Variants in AKAP13 observed in about 807,000 individuals in gnomAD.
AKAP13 encodes the protein A-kinase anchoring protein 13.
AKAP13 carries 80 observed loss-of-function variants against 264.5 expected under a neutral mutation model. The ratio of observed to expected loss-of-function variants is 0.30; its 90% CI spans 0.25 to 0.36. The LOEUF (loss-of-function observed/expected upper bound fraction) is 0.36, where lower values mean the gene tolerates loss of function less well. Ranked by LOEUF, AKAP13 falls within the 10% of genes least tolerant of loss-of-function variation. The probability of loss-of-function intolerance (pLI) is 1.00; values close to 1 mark genes in which losing one functional copy is unlikely to be tolerated. For synonymous variants in AKAP13, 1,380 were observed against 1,250.2 expected (o/e 1.10, Z -2.19); for missense variants, 3,712 against 3,435.2 (o/e 1.08, Z -2.01).
chr15:85,731,323 A>G (rs187106250), intron 30 of AKAP13, among the ~76,000 whole-genome samples: 2 of 152,196 alleles, frequency 1.3e-5, no homozygotes, highest in East Asian at 1.9e-4. Context: ...ACTTACTTAT[A>G]TATCTTTATG....
Position 85,712,952 on chromosome 15 carries a change from A to C in AKAP13, c.5599+2307A>C, listed in dbSNP as rs146782544. On this transcript the variant is annotated intron_variant, in intron 19 of 36. Coordinates refer to ENST00000394518, the MANE Select transcript of AKAP13 (RefSeq NM_007200.5). ...GGATTCAAGTCTGACACCACTGCTT[A>C]AGAGCTGTGTAACTGGACATTACCA... Among the ~76,000 whole-genome samples the C allele has an allele frequency of 2.2e-4, 34 of 152,354 alleles. 1 individual carries two copies. The East Asian group carries it at 6.4e-3, about 28-fold the overall frequency.
At position 85,726,309 on chromosome 15, in the gene AKAP13, T is replaced by A. The variant is rs867367350; in HGVS notation, c.6746-101T>A. On this transcript the variant is annotated intron_variant, in intron 26 of 36. Transcript: ENST00000394518. ...ATCATAGTTTGCCCGTATAGGGGTGTATGTGTTGCTGAAACACCCTTCAAT... is the reference window on the plus strand; with the variant it reads ...ATCATAGTTTGCCCGTATAGGGGTGAATGTGTTGCTGAAACACCCTTCAAT... 1.5e-4 allele frequency: 123 copies of A among 845,890 alleles called. No homozygotes were observed. In the African/African-American group the frequency reaches 1.9e-3, roughly 13 times the overall value. The allele number at this position is 845,890 out of a possible 1,614,324, so 52.4% of individuals were successfully genotyped here. A position where few individuals can be genotyped will look rare whatever the true frequency, so the allele number is the denominator to read the frequency against.
chr15:85,742,006 C>T (rs1170178431), intron 35 of AKAP13, among the ~76,000 whole-genome samples: 1 of 152,194 alleles, frequency 6.6e-6, no homozygotes, highest in African/African-American at 2.4e-5. Context: ...GATCTCGCCA[C>T]TGCACTCCAG....
rs1451217146 is a variant in AKAP13, at chr15:85,580,712, G to A, written c.2644G>A (p.Glu882Lys). ...GGGTCCCGCCCCTCCAGCAATCCCA[G>A]AAGCTCTGAATATCAAGGGGAACAC... Reference protein sequence around the residue: ...HEGPAPPAIPEALNIKGNTDS... With the variant: ...HEGPAPPAIPKALNIKGNTDS... Residue 882 changes from glutamate to lysine, a missense_variant, in exon 7 of 37, where the codon GAA becomes AAA. This residue lies in a region of AKAP13 where 2,759 missense variants were observed against 2,411.7 expected (regional missense o/e 1.14). Coordinates refer to ENST00000394518, the MANE Select transcript of AKAP13 (RefSeq NM_007200.5). 3 of 1,614,194 alleles carry A rather than the reference G, an allele frequency of 1.9e-6. No individual in the cohort carries two copies. The Admixed American group carries it at 5.0e-5, about 27-fold the overall frequency.
chr15:85,682,170 T>C lies in AKAP13; in HGVS notation c.5114T>C (p.Phe1705Ser). 1 of 1,613,556 alleles carries C rather than the reference T, an allele frequency of 6.2e-7. No individual in the cohort carries two copies. The highest frequency in any genetic ancestry group is 8.5e-7 in the Non-Finnish European group (1 of 1,179,926). Reference sequence around the variant, plus strand: ...CCTTGTTTTCTAGATTCACGGCCCTTCCACAGTACCTTCCACAATACCAGT... The same window carrying C: ...CCTTGTTTTCTAGATTCACGGCCCTCCCACAGTACCTTCCACAATACCAGT... ...SHPGLDNSRP[F>S]HSTFHNTSAN... is the part of the protein sequence containing the mutation. The change falls in exon 15 of 37, where the codon TTC (phenylalanine) becomes TCC (serine). Residue 1705 changes from phenylalanine to serine, a missense_variant. Transcript: ENST00000394518.
intron 12 of AKAP13, 59 bp from the exon 13 acceptor site, chr15:85,664,504 C>A: frequency 2.7e-6 from 4 of 1,503,670 alleles, no homozygotes; most frequent in Non-Finnish European, 3.6e-6. Flanking sequence ...GATTTTGTGT[C>A]CTCCTTTGTT....
At chr15:85,499,157 G>C (rs2151088013) in intron 2 of AKAP13, among the ~76,000 whole-genome samples, 1 of 152,280 alleles carries the variant, frequency 6.6e-6, no homozygotes, top group South Asian at 2.1e-4. Flanking sequence ...CTAGCTTCCT[G>C]AGTAAATTAT....
Position 85,682,232 on chromosome 15 carries a change from C to A in AKAP13, c.5156+20C>A. ...TGAGAGGTACTATAAATTTGTTACT[C>A]CTTTTTCCAGAAATAAAATGAAGAA... On this transcript the variant is annotated intron_variant, in intron 15 of 36. Transcript: ENST00000394518. The A allele has an allele frequency of 6.2e-7, 1 of 1,608,760 alleles. No individual in the cohort carries two copies. Among genetic ancestry groups the A allele is most frequent in the Non-Finnish European group, 8.5e-7 (1 of 1,177,184 alleles).
At chr15:85,420,108 A>G (rs1392093370) in intron 1 of AKAP13, among the ~76,000 whole-genome samples, 1 of 151,322 alleles carries the variant, frequency 6.6e-6, no homozygotes, top group Non-Finnish European at 1.5e-5. Context: ...CGCCCGGCTA[A>G]TTTTTTGTAT....
rs369241881 is a variant in AKAP13 at position 85,543,934 on chromosome 15, A to G, written c.641A>G (p.Lys214Arg). 1.9e-6 allele frequency: 3 copies of G among 1,613,004 alleles called. No homozygotes were observed. The African/African-American group carries it at 4.0e-5, about 22-fold the overall frequency. Residue 214 changes from lysine to arginine, a missense_variant, in exon 5 of 37, where the codon AAG becomes AGG. Physicochemically the swap from Lys to Arg is conservative, Grantham distance 26 (BLOSUM62 2). This residue lies in a region of AKAP13 where 2,759 missense variants were observed against 2,411.7 expected (regional missense o/e 1.14). Transcript: ENST00000394518. ...TTGGCCTTGGAGCGAGGCTATCACA[A>G]GCTGCACCAGCTTCTAACCGAGTAA... is the stretch of plus-strand genomic sequence containing the variant. ...VSLALERGYH[K>R]LHQLLTEENA...
chr15:85,595,347 C>T (rs1369913002), intron 8 of AKAP13, among the ~76,000 whole-genome samples: 2 of 152,140 alleles, frequency 1.3e-5, no homozygotes, highest in African/African-American at 4.8e-5. Context: ...GACCCTCCCA[C>T]CTCAGCCTCC....
chr15:85,741,268 G>T lies in AKAP13; in HGVS notation c.7831G>T (p.Glu2611Ter). 6.2e-7 allele frequency: 1 copy of T among 1,609,876 alleles called. No homozygotes were observed. Among genetic ancestry groups the T allele is most frequent in the Non-Finnish European group, 8.5e-7 (1 of 1,178,282 alleles). The change falls in exon 35 of 37, where the codon GAG (glutamate) becomes TAG (stop). Residue 2611 changes from glutamate (E) to a stop codon, truncating the protein, a stop_gained. Transcript: ENST00000394518. LOFTEE classifies it high-confidence loss of function. ...GCGTGAGTGGGAAGCTCGTGAGAGG[G>T]AGCTGCGGGAGCGGGAGGCCCTCCT... ...REREWEARER[E>*]LREREALLAQ... is the part of the protein sequence containing the mutation.
At chr15:85,584,546 T>A (rs879748659) in intron 7 of AKAP13, among the ~76,000 whole-genome samples, 6 of 152,210 alleles carry the variant, frequency 3.9e-5, no homozygotes, top group Non-Finnish European at 7.3e-5. Context: ...TTAATAACAT[T>A]TTATGAAATT....
rs2088457649 is a variant in AKAP13, at chr15:85,736,025, C to G, written c.7513-65C>G. On this transcript the variant is annotated intron_variant, in intron 32 of 36. Coordinates refer to ENST00000394518, the MANE Select transcript of AKAP13 (RefSeq NM_007200.5). ...GGAAAGCTACAGCCTAACACAGAAA[C>G]ACACTGAATGTCATTTTTGCATCAA... The G allele has an allele frequency of 6.3e-6, 8 of 1,274,248 alleles. No individual in the cohort carries two copies. The Admixed American group carries it at 1.0e-4, about 16-fold the overall frequency. 78.9% of individuals were successfully genotyped at this position (1,274,248 alleles called of 1,614,324 possible). A position where few individuals can be genotyped will look rare whatever the true frequency, so the allele number is the denominator to read the frequency against.
At chr15:85,415,494 A>G (rs1339979939) in intron 1 of AKAP13, 29 of 1,554,570 alleles carry the variant, frequency 1.9e-5, no homozygotes, top group Non-Finnish European at 2.5e-5. Flanking sequence ...GTGCAACTTT[A>G]CAGATGGTGC....
chr15:85,681,010 G>C (rs1417007184), intron 14 of AKAP13, among the ~76,000 whole-genome samples: 5 of 152,036 alleles, frequency 3.3e-5, no homozygotes, highest in African/African-American at 7.2e-5. Context: ...TAGAGAAGGG[G>C]TTTCACCATG....
chr15:85,413,912 C>T (rs2072104685), intron 1 of AKAP13, among the ~76,000 whole-genome samples: 1 of 152,072 alleles, frequency 6.6e-6, no homozygotes, highest in African/African-American at 2.4e-5. Flanking sequence ...TTACATTATC[C>T]ATTATACTCC....
In AKAP13 at chr15:85,580,516, T is replaced by A; in HGVS notation, c.2448T>A (p.Pro816=). The A allele has an allele frequency of 1.2e-6, 2 of 1,614,220 alleles. No homozygotes were observed. The highest frequency in any genetic ancestry group is 1.7e-6 in the Non-Finnish European group (2 of 1,180,042). Residue 816 remains proline (P), a synonymous_variant, in exon 7 of 37, where the codon CCT becomes CCA. Transcript: ENST00000394518. ...PSQKEKGTAT[P]ELHTATDYRD... is the part of the protein sequence containing the mutation. ...AGAAAGAAAAGGGAACAGCAACTCC[T>A]GAACTACATACAGCTACAGATTATA... is the stretch of plus-strand genomic sequence containing the variant.
At chr15:85,742,784 T>A (rs557104906) in intron 35 of AKAP13, among the ~76,000 whole-genome samples, 1 of 152,272 alleles carries the variant, frequency 6.6e-6, no homozygotes, top group Admixed American at 6.5e-5. Context: ...TTGCCGTTTG[T>A]TTGATTGATT....
Sources: allele counts gnomAD v4.1 joint callset (sites outside exome capture counted in the v4.1 genomes callset), GRCh38; gene constraint gnomAD v4.1.1; regional missense constraint gnomAD v4.1.1; transcripts MANE v1.5; gene names NCBI Gene and HGNC (gene_info 2026-07-23, HGNC 2026-07-21).